NFIB: variants seen among roughly 807,000 people sequenced by gnomAD.
NFIB encodes nuclear factor 1 B-type.
In NFIB, 11 loss-of-function variants were observed where a neutral mutation model predicts 61.5. That is an observed-to-expected ratio of 0.18 (90% confidence interval 0.11 to 0.30). The LOEUF (loss-of-function observed/expected upper bound fraction) is 0.30, where lower values mean the gene tolerates loss of function less well. Among genes scored for constraint, NFIB ranks in the 10% least tolerant of loss-of-function variants. The probability of loss-of-function intolerance (pLI) is 1.00; values close to 1 mark genes in which losing one functional copy is unlikely to be tolerated. For missense variants in NFIB, 471 were observed against 608.9 expected (o/e 0.77, Z 2.38); for synonymous variants, 260 against 216.5 (o/e 1.20, Z -1.76).
At chr9:14,423,894 C>T in the NFIB span, among the ~76,000 whole-genome samples, 2 of 152,166 alleles carry the variant, frequency 1.3e-5, no homozygotes, top group African/African-American at 4.8e-5. Context: ...TTTTGCATTC[C>T]TTAACCATGA....
At position 14,313,715 on chromosome 9, in the gene NFIB, TC is replaced by T; in HGVS notation, c.-205del. 1 of 1,406,512 alleles carries T rather than the reference TC, an allele frequency of 7.1e-7. No individual in the cohort carries two copies. The allele number at this position is 1,406,512 out of a possible 1,614,324, so 87.1% of individuals were successfully genotyped here. ...TCAAGTTCACTCGGCGTGCTAGATT[TC>T]CAGGGGTGAAATCCAATCTACACTT... is the stretch of plus-strand genomic sequence containing the variant. On this transcript the variant is annotated 5_prime_UTR_variant, in exon 1 of 11. Transcript: ENST00000380953. The surrounding 1 kb of genome is among the most constrained non-coding windows in gnomAD (Gnocchi z 4.5).
the NFIB span, among the ~76,000 whole-genome samples, chr9:14,469,934 T>C: frequency 2.6e-5 from 4 of 152,176 alleles, no homozygotes; most frequent in Admixed American, 2.0e-4. Flanking sequence ...AATATTCTAT[T>C]TGTGTTGTGG....
chr9:14,453,973 G>A, the NFIB span, among the ~76,000 whole-genome samples: 1 of 152,018 alleles, frequency 6.6e-6, no homozygotes. Flanking sequence ...AGCTACTCAG[G>A]AGGCTGAGGC....
the NFIB span, among the ~76,000 whole-genome samples, chr9:14,493,186 G>T: frequency 3.9e-4 from 59 of 152,214 alleles, 1 homozygote; most frequent in Non-Finnish European, 7.9e-4. Flanking sequence ...ACCCACATTC[G>T]TTAAGGCCAT....
chr9:14,497,219 G>GATT, the NFIB span, among the ~76,000 whole-genome samples: 47 of 152,214 alleles, frequency 3.1e-4, 1 homozygote, highest in African/African-American at 1.1e-3. Context: ...CTTTGTTCAG[G>GATT]ATTATTTTAT....
intron 4 of NFIB, among the ~76,000 whole-genome samples, chr9:14,150,982 T>C (rs1420299159): frequency 6.6e-6 from 1 of 152,120 alleles, no homozygotes; most frequent in Non-Finnish European, 1.5e-5. Flanking sequence ...ATTTTAGATA[T>C]CATGAACAAA....
the NFIB span, among the ~76,000 whole-genome samples, chr9:14,458,569 G>A: frequency 6.6e-6 from 1 of 152,220 alleles, no homozygotes; most frequent in Non-Finnish European, 1.5e-5. Context: ...AAAAGAGGAA[G>A]TCAAATTGTC....
chr9:14,407,831 G>C, the NFIB span, among the ~76,000 whole-genome samples: 2 of 151,988 alleles, frequency 1.3e-5, no homozygotes, highest in African/African-American at 4.8e-5. Flanking sequence ...GACTACAAGT[G>C]TGTACCACCG....
chr9:14,192,409 A>G (rs1222873927), intron 2 of NFIB, among the ~76,000 whole-genome samples: 2 of 152,122 alleles, frequency 1.3e-5, no homozygotes, highest in Non-Finnish European at 2.9e-5. Flanking sequence ...AATCTTACCT[A>G]AATCTCATCC....
At chr9:14,142,840 C>G (rs944393134) in intron 6 of NFIB, among the ~76,000 whole-genome samples, 16 of 152,010 alleles carry the variant, frequency 1.1e-4, no homozygotes, top group African/African-American at 3.9e-4. Context: ...GAGTTTAAGA[C>G]CAGGATTTAC....
rs2061686044 is a variant in NFIB at position 14,396,261 on chromosome 9, G to T, written c.108+2263C>A. 1.3e-5 allele frequency among the ~76,000 whole-genome samples: 2 copies of T among 151,502 alleles called. 1 individual carries two copies. Among genetic ancestry groups the T allele is most frequent in the South Asian group, 4.2e-4 (2 of 4,778 alleles). ...TTTGGGACAACGAACAGGCACATTGGCTAAATCACCTTATTACACTTCCAT... is the reference window on the plus strand; with the variant it reads ...TTTGGGACAACGAACAGGCACATTGTCTAAATCACCTTATTACACTTCCAT... On this transcript the variant is annotated intron_variant, in intron 1 of 8. Coordinates refer to the NFIB transcript ENST00000380934.
At chr9:14,113,186 A>G (rs1181850274) in intron 9 of NFIB, 105 bp from the exon 10 acceptor site, 1 of 878,128 alleles carries the variant, frequency 1.1e-6, no homozygotes, top group East Asian at 3.0e-5. Context: ...CAACCAAAAA[A>G]AAAAAGTGTC....
At chr9:14,529,877 A>C in the NFIB span, among the ~76,000 whole-genome samples, 1 of 152,202 alleles carries the variant, frequency 6.6e-6, no homozygotes, top group Non-Finnish European at 1.5e-5. Context: ...CTCAGCAATA[A>C]AAGACCACAA....
the NFIB span, among the ~76,000 whole-genome samples, chr9:14,501,907 A>G: frequency 6.6e-6 from 1 of 152,204 alleles, no homozygotes. Flanking sequence ...ATTATTACAG[A>G]ACAGGCAGGG....
chr9:14,446,562 C>A, the NFIB span, among the ~76,000 whole-genome samples: 1 of 152,148 alleles, frequency 6.6e-6, no homozygotes, highest in East Asian at 1.9e-4. Flanking sequence ...TGTAAAACAT[C>A]TACTTTTGGT....
chr9:14,395,053 T>C (rs1433444327), intron 1 of NFIB, among the ~76,000 whole-genome samples: 2 of 152,158 alleles, frequency 1.3e-5, no homozygotes, highest in African/African-American at 2.4e-5. Context: ...TTTTTCTCTT[T>C]ATCTATTTAG....
intron 1 of NFIB, chr9:14,362,151 T>C (rs1248098799): frequency 6.6e-6 from 1 of 152,214 alleles, no homozygotes; most frequent in African/African-American, 2.4e-5. Context: ...AATTCTAACA[T>C]GTCTTTTTAA....
chr9:14,148,967 T>C (rs1403989441), intron 5 of NFIB, among the ~76,000 whole-genome samples: 1 of 152,200 alleles, frequency 6.6e-6, no homozygotes, highest in African/African-American at 2.4e-5. Context: ...AAGGAAGTAC[T>C]AGAGAAATGT....
intron 3 of NFIB, 108 bp downstream of exon 3, chr9:14,179,619 T>C (rs1047052189): frequency 8.3e-7 from 1 of 1,200,502 alleles, no homozygotes; most frequent in South Asian, 1.4e-5. Flanking sequence ...CATACCTGCC[T>C]GCCAGAACAA....
Sources: gnomAD v4.1 joint callset for allele counts (sites outside exome capture counted in the v4.1 genomes callset) on GRCh38, gnomAD v4.1.1 for gene constraint, Gnocchi (gnomAD v3.1) non-coding constraint, MANE v1.5 for transcripts, NCBI Gene and HGNC (gene_info 2026-07-23, HGNC 2026-07-21) for gene names.